TRAPPC9: variants seen among roughly 807,000 people sequenced by gnomAD.
TRAPPC9 encodes the protein trafficking protein particle complex subunit 9, also known as IKK2 binding protein.
A neutral mutation model predicts 124.0 loss-of-function variants in TRAPPC9; 83 were observed. The observed-to-expected ratio is 0.67, with a 90% CI of 0.56 to 0.80. TRAPPC9 has a LOEUF of 0.80. Ranked by LOEUF, TRAPPC9 falls within the 30% of genes least tolerant of loss-of-function variation. The probability of loss-of-function intolerance (pLI) is 0.00; values close to 1 mark genes in which losing one functional copy is unlikely to be tolerated. For synonymous variants in TRAPPC9, 638 were observed against 617.5 expected (o/e 1.03, Z -0.49); for missense variants, 1,302 against 1,508.3 (o/e 0.86, Z 2.27).
rs140491983 is a variant in TRAPPC9, at chr8:140,376,108, T to C, written c.1135-4928A>G. On this transcript the variant is annotated intron_variant, in intron 7 of 22. Coordinates refer to ENST00000438773, the MANE Select transcript of TRAPPC9 (RefSeq NM_001160372.4). The stretch of plus-strand genomic sequence containing the variant: ...ATGAGGCATGCACCAAGGATTTTCC[T>C]TTATAAAGCATCTGTCTAAAGTAAT... 6.2e-3 allele frequency among the ~76,000 whole-genome samples: 940 copies of C among 152,344 alleles called. 30 individuals are homozygous for C. The highest frequency in any genetic ancestry group is 0.052 in the Admixed American group (803 of 15,300).
At chr8:140,207,215 C>G (rs1026553680) in intron 17 of TRAPPC9, among the ~76,000 whole-genome samples, 3 of 152,212 alleles carry the variant, frequency 2.0e-5, no homozygotes, top group Non-Finnish European at 4.4e-5. Flanking sequence ...CCCGTCCACT[C>G]TAACAAAGCG....
At chr8:140,024,611 G>C (rs550220207) in intron 17 of TRAPPC9, among the ~76,000 whole-genome samples, 1 of 152,180 alleles carries the variant, frequency 6.6e-6, no homozygotes, top group Non-Finnish European at 1.5e-5. Context: ...TGGCCAGGCT[G>C]TTCTTGAACT....
At chr8:139,997,615 GACAATGCATCCCACACAGGGGAA>G (rs1587451296) in intron 18 of TRAPPC9, among the ~76,000 whole-genome samples, 2 of 137,234 alleles carry the variant, frequency 1.5e-5, no homozygotes, top group East Asian at 2.5e-4. Flanking sequence ...TACACAGGGA[GACAATGCATCCCACACAGGGGAA>G]ACAATGCATC....
intron 15 of TRAPPC9, among the ~76,000 whole-genome samples, chr8:140,270,861 A>G (rs1480356472): frequency 6.6e-6 from 1 of 152,226 alleles, no homozygotes; most frequent in Non-Finnish European, 1.5e-5. Flanking sequence ...GAAGCCAAGC[A>G]TGGGGCAGAG....
intron 21 of TRAPPC9, among the ~76,000 whole-genome samples, chr8:139,808,320 G>C (rs1011451183): frequency 6.6e-6 from 1 of 152,132 alleles, no homozygotes; most frequent in African/African-American, 2.4e-5. Context: ...AATTAGCCGG[G>C]CGTGGTGGTG....
At chr8:140,123,505 A>G (rs2061025726) in intron 17 of TRAPPC9, among the ~76,000 whole-genome samples, 2 of 151,842 alleles carry the variant, frequency 1.3e-5, no homozygotes, top group Admixed American at 1.3e-4. Context: ...GCCCGGCCAC[A>G]CCCACTCTGC....
At chr8:140,071,624 C>T (rs1843161900) in intron 17 of TRAPPC9, among the ~76,000 whole-genome samples, 2 of 152,060 alleles carry the variant, frequency 1.3e-5, no homozygotes, top group African/African-American at 2.4e-5. Flanking sequence ...TCAGTCTGCC[C>T]GTGTAGATGG....
At chr8:139,767,555 G>C (rs759153005) in intron 21 of TRAPPC9, among the ~76,000 whole-genome samples, 18 of 152,210 alleles carry the variant, frequency 1.2e-4, no homozygotes, top group African/African-American at 3.4e-4. Flanking sequence ...GGGGGTGGAA[G>C]GGGGAGGGAG....
chr8:139,831,380 T>C (rs1191195197), intron 21 of TRAPPC9, among the ~76,000 whole-genome samples: 1 of 152,098 alleles, frequency 6.6e-6, no homozygotes, highest in African/African-American at 2.4e-5. Flanking sequence ...TATTTGATCC[T>C]AACAGGGGCT....
intron 18 of TRAPPC9, among the ~76,000 whole-genome samples, chr8:140,006,150 T>C (rs1838732603): frequency 1.3e-5 from 2 of 152,180 alleles, no homozygotes; most frequent in Non-Finnish European, 2.9e-5. Flanking sequence ...TAGTGGCAGA[T>C]GGGAACGTGG....
chr8:139,773,812 C>T (rs116982287), intron 21 of TRAPPC9, among the ~76,000 whole-genome samples: 1 of 152,358 alleles, frequency 6.6e-6, no homozygotes, highest in Non-Finnish European at 1.5e-5. Flanking sequence ...CTCAATTCAG[C>T]TCTTCCTATG....
intron 17 of TRAPPC9, among the ~76,000 whole-genome samples, chr8:140,071,502 G>C (rs1418214833): frequency 6.6e-6 from 1 of 152,190 alleles, no homozygotes; most frequent in Non-Finnish European, 1.5e-5. Context: ...AAGCAGCCCT[G>C]TGATACTGGA....
At chr8:140,121,308 T>C (rs2060981910) in intron 17 of TRAPPC9, among the ~76,000 whole-genome samples, 1 of 152,232 alleles carries the variant, frequency 6.6e-6, no homozygotes, top group Admixed American at 6.5e-5. Context: ...TGGGTGTTGT[T>C]GGACCTTGAG....
chr8:139,982,303 G>A (rs926262733), intron 19 of TRAPPC9, among the ~76,000 whole-genome samples: 1 of 152,158 alleles, frequency 6.6e-6, no homozygotes, highest in Non-Finnish European at 1.5e-5. Flanking sequence ...ACAGAAAGGC[G>A]GGCGGTGGAG....
intron 16 of TRAPPC9, among the ~76,000 whole-genome samples, chr8:140,245,708 G>A (rs886395614): frequency 1.3e-5 from 2 of 152,142 alleles, no homozygotes; most frequent in African/African-American, 4.8e-5. Context: ...TGTCCCCGTG[G>A]TGTAGTTTAA....
chr8:140,213,129 G>A (rs2063104783), intron 17 of TRAPPC9, among the ~76,000 whole-genome samples: 2 of 148,924 alleles, frequency 1.3e-5, no homozygotes, highest in Non-Finnish European at 3.0e-5. Flanking sequence ...CTTCTTTTTT[G>A]TTGACTTTTT....
chr8:140,029,942 C>T (rs1840400804), intron 17 of TRAPPC9, among the ~76,000 whole-genome samples: 1 of 152,008 alleles, frequency 6.6e-6, no homozygotes, highest in Admixed American at 6.6e-5. Flanking sequence ...ATGGGTAATA[C>T]ATCACGGCCA....
intron 15 of TRAPPC9, among the ~76,000 whole-genome samples, chr8:140,269,590 A>G (rs1026215428): frequency 1.3e-5 from 2 of 148,734 alleles, no homozygotes; most frequent in Non-Finnish European, 3.0e-5. Flanking sequence ...ATAAATAAAT[A>G]AGATGGATTA....
intron 17 of TRAPPC9, among the ~76,000 whole-genome samples, chr8:140,145,654 T>G (rs1321540993): frequency 5.3e-5 from 8 of 152,206 alleles, no homozygotes; most frequent in Non-Finnish European, 8.8e-5. Context: ...TTATTTTATC[T>G]CGGGCAGATT....
Sources: allele counts gnomAD v4.1 joint callset (sites outside exome capture counted in the v4.1 genomes callset), GRCh38; gene constraint gnomAD v4.1.1; transcripts MANE v1.5; gene names NCBI Gene and HGNC (gene_info 2026-07-23, HGNC 2026-07-21).